PDE7A: variants seen among roughly 807,000 people sequenced by gnomAD.
PDE7A encodes high affinity 3',5'-cyclic-AMP phosphodiesterase 7A.
PDE7A carries 39 observed loss-of-function variants against 64.3 expected under a neutral mutation model. That is an observed-to-expected ratio of 0.61 (90% CI 0.47 to 0.79). The LOEUF (loss-of-function observed/expected upper bound fraction) is 0.79, where lower values mean the gene tolerates loss of function less well. Among genes scored for constraint, PDE7A ranks in the 30% least tolerant of loss-of-function variants. PDE7A has a pLI of 0.00. For missense variants in PDE7A, 470 were observed against 582.8 expected (o/e 0.81, Z 1.99); for synonymous variants, 203 against 206.8 (o/e 0.98, Z 0.16).
At chr8:65,763,082 ATAAAT>A (rs1202451395) in intron 3 of PDE7A, among the ~76,000 whole-genome samples, 1 of 151,982 alleles carries the variant, frequency 6.6e-6, no homozygotes, top group East Asian at 1.9e-4. Context: ...AACCAAAGAA[ATAAAT>A]TAGCCACTCG....
intron 3 of PDE7A, among the ~76,000 whole-genome samples, chr8:65,776,537 T>C (rs1449402818): frequency 6.6e-6 from 1 of 152,174 alleles, no homozygotes; most frequent in Non-Finnish European, 1.5e-5. Context: ...AATCCATAAA[T>C]AACAGTATAT....
intron 1 of PDE7A, among the ~76,000 whole-genome samples, chr8:65,824,264 T>C (rs1810612875): frequency 6.6e-6 from 1 of 152,206 alleles, no homozygotes; most frequent in Non-Finnish European, 1.5e-5. Context: ...TGTAATTGTC[T>C]GGGGCGCCAT....
intron 1 of PDE7A, among the ~76,000 whole-genome samples, chr8:65,817,754 T>G (rs1406606479): frequency 2.7e-3 from 4 of 1,462 alleles, no homozygotes; most frequent in Middle Eastern, 0.25. Context: ...CAAGGAGTGT[T>G]TTTTTTTTTT....
chr8:65,739,637 A>T, intron 5 of PDE7A, 40 bp from the exon 6 acceptor site: 2 of 1,435,320 alleles, frequency 1.4e-6, no homozygotes, highest in Non-Finnish European at 1.8e-6. Context: ...TAGGAAATAC[A>T]AGTCAACACA....
chr8:65,803,331 T>C (rs1238417642), intron 1 of PDE7A, among the ~76,000 whole-genome samples: 1 of 152,228 alleles, frequency 6.6e-6, no homozygotes, highest in Non-Finnish European at 1.5e-5. Context: ...ACAGACATGG[T>C]ACTTTAAAAA....
intron 1 of PDE7A, among the ~76,000 whole-genome samples, chr8:65,824,634 C>T (rs1810623995): frequency 6.6e-6 from 1 of 152,206 alleles, no homozygotes; most frequent in Admixed American, 6.5e-5. Context: ...GATCAGTCAG[C>T]AGCCATCAAC....
chr8:65,745,543 GAAGTT>G, intron 4 of PDE7A, 73 bp from the exon 5 acceptor site: 1 of 806,852 alleles, frequency 1.2e-6, no homozygotes. Flanking sequence ...ATTCCATAGA[GAAGTT>G]AAAGAAAATG....
chr8:65,811,075 G>C (rs1474952803), intron 1 of PDE7A, among the ~76,000 whole-genome samples: 1 of 151,934 alleles, frequency 6.6e-6, no homozygotes, highest in African/African-American at 2.4e-5. Context: ...CTCTATTGAA[G>C]GATAGAGAAG....
intron 1 of PDE7A, among the ~76,000 whole-genome samples, chr8:65,824,770 C>A (rs1232918536): frequency 6.6e-6 from 1 of 152,298 alleles, no homozygotes; most frequent in South Asian, 2.1e-4. Context: ...AGACATAATG[C>A]TACTGTACAC....
chr8:65,808,823 G>T (rs1007969557), intron 1 of PDE7A, among the ~76,000 whole-genome samples: 5 of 152,104 alleles, frequency 3.3e-5, no homozygotes, highest in African/African-American at 1.2e-4. Context: ...TAGGAAGGTA[G>T]CACTAGTTCT....
chr8:65,798,208 T>TATATATATAC (rs1282422397), intron 1 of PDE7A, among the ~76,000 whole-genome samples: 3 of 106,554 alleles, frequency 2.8e-5, no homozygotes, highest in African/African-American at 1.5e-4. Flanking sequence ...ATATATATAT[T>TATATATATAC]TTTTTTTTTT....
chr8:65,779,588 G>T, intron 3 of PDE7A, 132 bp downstream of exon 3: 1 of 523,130 alleles, frequency 1.9e-6, no homozygotes, highest in Non-Finnish European at 3.4e-6. Flanking sequence ...TCATTTACAT[G>T]ACCTAGGTTT....
At chr8:65,720,783 A>T (rs1806341275) in intron 12 of PDE7A, among the ~76,000 whole-genome samples, 3 of 152,212 alleles carry the variant, frequency 2.0e-5, no homozygotes. Context: ...GAAAAGTGTC[A>T]TTATAGTCAA....
At chr8:65,728,950 C>G (rs1360937758) in intron 7 of PDE7A, among the ~76,000 whole-genome samples, 1 of 151,986 alleles carries the variant, frequency 6.6e-6, no homozygotes, top group Non-Finnish European at 1.5e-5. Context: ...ACTTTAAAAA[C>G]AAATCACACA....
chr8:65,839,223 T>TTAAA (rs139030754), intron 1 of PDE7A, among the ~76,000 whole-genome samples: 10 of 149,726 alleles, frequency 6.7e-5, no homozygotes, highest in African/African-American at 2.4e-4. Context: ...GTCTTTTTTT[T>TTAAA]AAAAAAAAAA....
rs542347213 is a variant in PDE7A, at chr8:65,718,889, A to G, written c.*401T>C. 1.1e-4 allele frequency: 20 copies of G among 177,670 alleles called. 1 individual carries two copies. The South Asian group carries it at 2.6e-3, about 23-fold the overall frequency. 11.0% of individuals were successfully genotyped at this position (177,670 alleles called of 1,614,324 possible). A position where few individuals can be genotyped will look rare whatever the true frequency, so the allele number is the denominator to read the frequency against. ...ATTTCCATTTTCTCAGAGAGAACTT[A>G]GTGGAAGGTACAAGATACACATTGT... On this transcript the variant is annotated 3_prime_UTR_variant, in exon 13 of 13. Transcript: ENST00000401827.
chr8:65,799,261 C>T (rs1809931272), intron 1 of PDE7A, among the ~76,000 whole-genome samples: 1 of 152,036 alleles, frequency 6.6e-6, no homozygotes, highest in African/African-American at 2.4e-5. Flanking sequence ...GAGCAAAATC[C>T]ACCCCACCCC....
At chr8:65,779,476 ATAAAT>A (rs1356828260) in intron 3 of PDE7A, among the ~76,000 whole-genome samples, 3 of 152,262 alleles carry the variant, frequency 2.0e-5, no homozygotes, top group African/African-American at 7.2e-5. Flanking sequence ...AAAAAAAGTA[ATAAAT>A]TAGAGGAGAA....
chr8:65,757,478 GT>G (rs1243071691), intron 3 of PDE7A, among the ~76,000 whole-genome samples: 3 of 152,152 alleles, frequency 2.0e-5, no homozygotes, highest in East Asian at 3.9e-4. Context: ...GGTTTGTAGG[GT>G]TTTTTTAGAT....
Sources: gnomAD v4.1 joint callset for allele counts (sites outside exome capture counted in the v4.1 genomes callset) on GRCh38, gnomAD v4.1.1 for gene constraint, MANE v1.5 for transcripts, NCBI Gene and HGNC (gene_info 2026-07-23, HGNC 2026-07-21) for gene names.